Variants in CPD observed in about 807,000 individuals in gnomAD.
CPD encodes metallocarboxypeptidase D.
Under a neutral mutation model 138.3 loss-of-function variants are expected in CPD, and 69 were observed. That is an observed-to-expected ratio of 0.50 (90% CI 0.41 to 0.61). The LOEUF is 0.61. Ranked by LOEUF, CPD falls within the 20% of genes least tolerant of loss-of-function variation. The pLI is 0.00. For missense variants in CPD, 1,432 were observed against 1,733.3 expected (o/e 0.83, Z 3.09); for synonymous variants, 651 against 642.1 (o/e 1.01, Z -0.21).
intron 17 of CPD, among the ~76,000 whole-genome samples, chr17:30,458,780 T>A (rs1913369961): frequency 1.3e-5 from 2 of 152,054 alleles, no homozygotes; most frequent in Non-Finnish European, 2.9e-5. Context: ...GCAGGAGAAT[T>A]GCTTGAGCCT....
intron 2 of CPD, among the ~76,000 whole-genome samples, chr17:30,396,468 G>T (rs989095595): frequency 6.6e-6 from 1 of 152,112 alleles, no homozygotes; most frequent in Non-Finnish European, 1.5e-5. Context: ...ACAGAAGAGT[G>T]AATCTTTAGT....
rs1019384115 is a variant in CPD, at chr17:30,380,628, A to G, written c.746+902A>G. 8.6e-6 allele frequency: 13 copies of G among 1,516,126 alleles called. No individual in the cohort carries two copies. The African/African-American group carries it at 1.5e-4, about 18-fold the overall frequency. 93.9% of individuals were successfully genotyped at this position (1,516,126 alleles called of 1,614,324 possible). On this transcript the variant is annotated intron_variant, in intron 1 of 20. Coordinates refer to ENST00000225719, the MANE Select transcript of CPD (RefSeq NM_001304.5). Reference sequence around the variant, plus strand: ...AATTAGTATAAAACAAGAGAATGTTATAAATATTTATGAGGTATGTTGGTG... The same window carrying G: ...AATTAGTATAAAACAAGAGAATGTTGTAAATATTTATGAGGTATGTTGGTG...
intron 8 of CPD, 68 bp from the exon 9 acceptor site, chr17:30,438,907 T>G (rs1912773023): frequency 3.0e-6 from 3 of 991,816 alleles, no homozygotes; most frequent in Admixed American, 2.7e-5. Flanking sequence ...TTTTCCTGTA[T>G]CTTTCCAGTA....
intron 2 of CPD, among the ~76,000 whole-genome samples, chr17:30,401,324 TTCTTCC>T (rs1179072790): frequency 1.3e-5 from 2 of 151,184 alleles, no homozygotes; most frequent in African/African-American, 2.4e-5. Context: ...CTTCCTCCTC[TTCTTCC>T]TCTTCCTCTT....
In CPD at chr17:30,392,892, A is replaced by C. The variant is rs76100223; in HGVS notation, c.994+7656A>C. On this transcript the variant is annotated intron_variant, in intron 2 of 20. Coordinates refer to ENST00000225719, the MANE Select transcript of CPD (RefSeq NM_001304.5). ...GTGTTGAGTTAGGAAATTGGTCAGA[A>C]ATATAGTTGTCAGGCCTATGTATTG... Among the ~76,000 whole-genome samples the C allele has an allele frequency of 3.9e-5, 6 of 152,326 alleles. No homozygotes were observed. In the East Asian group the frequency reaches 1.2e-3, roughly 29 times the overall value.
rs751150406 is a variant in CPD, at chr17:30,439,039, A to G, written c.2192A>G (p.His731Arg). Residue 731 changes from histidine to arginine, a missense_variant, in exon 9 of 21, where the codon CAT becomes CGT. This residue lies in a region of CPD where 297 missense variants were observed against 405.3 expected (regional missense o/e 0.73). Transcript: ENST00000225719. ...ATGTATCCTAATGAATATTTTCCTC[A>G]TGGAATAACAAATGGAGCTAGTTGG... The part of the protein sequence containing the change: ...KNMYPNEYFP[H>R]GITNGASWYN... The G allele has an allele frequency of 1.6e-5, 26 of 1,592,916 alleles. No individual in the cohort carries two copies. In the Admixed American group the frequency reaches 4.6e-4, roughly 28 times the overall value.
Position 30,385,002 on chromosome 17 carries a change from G to A in CPD, c.760G>A (p.Gly254Arg). The change falls in exon 2 of 21, where the codon GGA (glycine) becomes AGA (arginine). Residue 254 changes from glycine (G) to arginine (R), a missense_variant. Around this residue, in one of 6 missense-constraint regions of CPD, gnomAD observed 484 missense variants for 477.2 expected, o/e 1.01. Transcript: ENST00000225719. ...GTATTTTCAAAGGTTTGTGCTTTCTGGAAATCTGCATGGTGGCTCAGTGGT... is the reference window on the plus strand; with the variant it reads ...GTATTTTCAAAGGTTTGTGCTTTCTAGAAATCTGCATGGTGGCTCAGTGGT... ...WIRRNKFVLS[G>R]NLHGGSVVAS... The A allele has an allele frequency of 6.2e-7, 1 of 1,612,858 alleles. No homozygotes were observed. The highest frequency in any genetic ancestry group is 8.5e-7 in the Non-Finnish European group (1 of 1,179,244).
chr17:30,437,971 G>A (rs1912749439), intron 8 of CPD, among the ~76,000 whole-genome samples: 1 of 145,730 alleles, frequency 6.9e-6, no homozygotes, highest in Non-Finnish European at 1.5e-5. Flanking sequence ...CAAGGAGCTG[G>A]TTCTACAGAC....
At position 30,378,995 on chromosome 17, in the gene CPD, G is replaced by A. The variant is rs551146691; in HGVS notation, c.15G>A (p.Arg5=). Residue 5 remains arginine, a synonymous_variant, in exon 1 of 21, where the codon CGG becomes CGA. Coordinates refer to ENST00000225719, the MANE Select transcript of CPD (RefSeq NM_001304.5). MASG[R]DERPPWRLGR... is the part of the protein sequence containing the mutation. ...GCTGCTGGAAGATGGCGAGCGGCCGGGACGAGCGGCCGCCTTGGCGGCTAG... is the reference window on the plus strand; with the variant it reads ...GCTGCTGGAAGATGGCGAGCGGCCGAGACGAGCGGCCGCCTTGGCGGCTAG... 1.9e-5 allele frequency: 29 copies of A among 1,543,166 alleles called. No homozygotes were observed. In the South Asian group the frequency reaches 3.2e-4, roughly 17 times the overall value.
At position 30,379,736 on chromosome 17, in the gene CPD, G is replaced by A. The variant is rs1910992624; in HGVS notation, c.746+10G>A. 6.9e-7 allele frequency: 1 copy of A among 1,450,302 alleles called. No individual in the cohort carries two copies. Among genetic ancestry groups the A allele is most frequent in the Non-Finnish European group, 9.0e-7 (1 of 1,112,124 alleles). The allele number at this position is 1,450,302 out of a possible 1,614,324, so 89.8% of individuals were successfully genotyped here. ...GGATCCGCAGGAACAAGTGAGTGTT[G>A]CCTGCCCCCTCCCCGTCCGTGTGAG... On this transcript the variant is annotated intron_variant, in intron 1 of 20. Transcript: ENST00000225719. This position sits in a 1 kb window ranked among gnomAD's most constrained non-coding sequence, Gnocchi z 7.0.
At chr17:30,438,000 CTTTTTTTTTT>C (rs963626144) in intron 8 of CPD, among the ~76,000 whole-genome samples, 6 of 89,456 alleles carry the variant, frequency 6.7e-5, no homozygotes, top group African/African-American at 2.4e-4. Context: ...CCATGTGTGG[CTTTTTTTTTT>C]TTTTTTTTTT....
Position 30,436,511 on chromosome 17 carries a change from A to G in CPD, c.2128-2464A>G, listed in dbSNP as rs1912705556. Reference sequence around the variant, plus strand: ...AGAAGAGAAAATGGCCAATAAGCACATGAAAAGATGCTCAATATTATTAGC... The same window carrying G: ...AGAAGAGAAAATGGCCAATAAGCACGTGAAAAGATGCTCAATATTATTAGC... On this transcript the variant is annotated intron_variant, in intron 8 of 20. Coordinates refer to ENST00000225719, the MANE Select transcript of CPD (RefSeq NM_001304.5). 2.0e-5 allele frequency among the ~76,000 whole-genome samples: 3 copies of G among 152,254 alleles called. No homozygotes were observed. In the South Asian group the frequency reaches 6.2e-4, roughly 31 times the overall value.
rs1366584967 is a variant in CPD, at chr17:30,422,724, C to T, written c.1358C>T (p.Thr453Ile). The T allele has an allele frequency of 1.2e-6, 2 of 1,613,864 alleles. No homozygotes were observed. Among genetic ancestry groups the T allele is most frequent in the South Asian group, 2.2e-5 (2 of 91,052 alleles). ...GTAGTGGTGAAAGAAGGACCAGCCA[C>T]AGAGGTGGATTTTTCTCTTAGGCCA... ...TNVVVKEGPA[T>I]EVDFSLRPTV... The change falls in exon 5 of 21, where the codon ACA becomes ATA. Residue 453 changes from threonine (T) to isoleucine (I), a missense_variant. By Grantham distance (89) the Thr-to-Ile change is moderately conservative. Around this residue, in one of 6 missense-constraint regions of CPD, gnomAD observed 160 missense variants for 197.9 expected, o/e 0.81. Transcript: ENST00000225719.
chr17:30,449,824 T>A, intron 13 of CPD, 76 bp downstream of exon 13: 1 of 1,339,748 alleles, frequency 7.5e-7, no homozygotes, highest in Non-Finnish European at 1.0e-6. Flanking sequence ...ATTTTTAAAA[T>A]TTTTAATTTC....
intron 1 of CPD, among the ~76,000 whole-genome samples, chr17:30,380,876 C>T (rs1911023460): frequency 6.6e-6 from 1 of 152,174 alleles, no homozygotes; most frequent in South Asian, 2.1e-4. Flanking sequence ...TCAGCTTTTC[C>T]CCATTTTTGT....
At position 30,379,463 on chromosome 17, in the gene CPD, C is replaced by T; in HGVS notation, c.483C>T (p.Arg161=). The T allele has an allele frequency of 6.4e-7, 1 of 1,572,526 alleles. No individual in the cohort carries two copies. Among genetic ancestry groups the T allele is most frequent in the Non-Finnish European group, 8.6e-7 (1 of 1,166,186 alleles). ...YLARELAAGY[R]RGDPRLVRLL... Reference sequence around the variant, plus strand: ...CCCGCGAGCTGGCGGCCGGCTACCGCCGCGGGGACCCGCGCCTGGTCCGCC... The same window carrying T: ...CCCGCGAGCTGGCGGCCGGCTACCGTCGCGGGGACCCGCGCCTGGTCCGCC... The change falls in exon 1 of 21, where the codon CGC becomes CGT. Residue 161 remains arginine (R), a synonymous_variant. Coordinates refer to ENST00000225719, the MANE Select transcript of CPD (RefSeq NM_001304.5). The surrounding 1 kb of genome is among the most constrained non-coding windows in gnomAD (Gnocchi z 7.0).
Position 30,379,756 on chromosome 17 carries a change from T to TGTGAGCCTCCAAGGGCCGAGGCTG in CPD, c.746+33_746+56dup, listed in dbSNP as rs779657259. On this transcript the variant is annotated intron_variant, in intron 1 of 20. Coordinates refer to ENST00000225719, the MANE Select transcript of CPD (RefSeq NM_001304.5). The surrounding 1 kb of genome is among the most constrained non-coding windows in gnomAD (Gnocchi z 7.0). ...GTGTTGCCTGCCCCCTCCCCGTCCG[T>TGTGAGCCTCCAAGGGCCGAGGCTG]GTGAGCCTCCAAGGGCCGAGGCTGG... The TGTGAGCCTCCAAGGGCCGAGGCTG allele has an allele frequency of 2.2e-5, 31 of 1,405,226 alleles. No individual in the cohort carries two copies. In the East Asian group the frequency reaches 2.5e-4, roughly 11 times the overall value. 87.0% of individuals were successfully genotyped at this position (1,405,226 alleles called of 1,614,324 possible).
chr17:30,439,083 G>T lies in CPD; in HGVS notation c.2230+6G>T, dbSNP rs199690425. 1 of 1,546,302 alleles carries T rather than the reference G, an allele frequency of 6.5e-7. No homozygotes were observed. Among genetic ancestry groups the T allele is most frequent in the Admixed American group, 2.0e-5 (1 of 50,790 alleles). On this transcript the variant is annotated splice_donor_region_variant and intron_variant, in intron 9 of 20. Coordinates refer to ENST00000225719, the MANE Select transcript of CPD (RefSeq NM_001304.5). ...TAGTTGGTATAATGTGCCAGGTAAAGATTCTTTTATATCAAGGCCTTACAA... is the reference window on the plus strand; with the variant it reads ...TAGTTGGTATAATGTGCCAGGTAAATATTCTTTTATATCAAGGCCTTACAA...
chr17:30,452,630 A>G (rs1377516484), intron 14 of CPD, among the ~76,000 whole-genome samples: 2 of 148,462 alleles, frequency 1.3e-5, no homozygotes, highest in Non-Finnish European at 3.0e-5. Context: ...CTCTTAATTT[A>G]TTCAACCATT....
Sources: allele counts gnomAD v4.1 joint callset (sites outside exome capture counted in the v4.1 genomes callset), GRCh38; gene constraint gnomAD v4.1.1; regional missense constraint gnomAD v4.1.1; non-coding constraint Gnocchi (gnomAD v3.1); transcripts MANE v1.5; gene names NCBI Gene and HGNC (gene_info 2026-07-23, HGNC 2026-07-21).